The following DNAH10 variants were observed in gnomAD, a reference collection of about 807,000 sequenced individuals.
DNAH10 encodes axonemal beta dynein heavy chain 10.
A neutral mutation model predicts 506.6 loss-of-function variants in DNAH10; 348 were observed. The ratio of observed to expected loss-of-function variants is 0.69; its 90% CI spans 0.63 to 0.75. The LOEUF (loss-of-function observed/expected upper bound fraction) is 0.75. Among genes scored for constraint, DNAH10 ranks in the 30% least tolerant of loss-of-function variants. DNAH10 has a pLI of 0.00. For missense variants in DNAH10, 5,179 were observed against 5,787.1 expected, an observed-to-expected ratio of 0.89 and a Z score of 3.41; for synonymous variants, 2,059 against 2,198.6, an observed-to-expected ratio of 0.94 and a Z score of 1.78.
chr12:123,929,341 G>T lies in DNAH10; in HGVS notation c.12373G>T (p.Glu4125Ter), dbSNP rs1244768802. Residue 4125 changes from glutamate to a stop codon, truncating the protein, a stop_gained, in exon 71 of 79, where the codon GAA (glutamate) becomes TAA (stop). Coordinates refer to ENST00000673944, the MANE Select transcript of DNAH10 (RefSeq NM_001372106.1). LOFTEE classifies it high-confidence loss of function. Reference sequence around the variant, plus strand: ...GGCAACTTACTTCAAGATCTCTCACGAAATGCTGGACCAGTGCCCGCACCC... The same window carrying T: ...GGCAACTTACTTCAAGATCTCTCACTAAATGCTGGACCAGTGCCCGCACCC... ...MRATYFKISH[E>*]MLDQCPHPAF... 6 of 1,609,104 alleles carry T rather than the reference G, an allele frequency of 3.7e-6. No homozygotes were observed. Among genetic ancestry groups the T allele is most frequent in the African/African-American group, 1.3e-5 (1 of 74,878 alleles).
intron 4 of DNAH10, among the ~76,000 whole-genome samples, chr12:123,773,216 T>C (rs1957323735): frequency 6.6e-6 from 1 of 152,264 alleles, no homozygotes; most frequent in African/African-American, 2.4e-5. Context: ...AAATAATGGC[T>C]TCAGTGGGCA....
At position 123,835,381 on chromosome 12, in the gene DNAH10, A is replaced by G. The variant is rs370983625; in HGVS notation, c.4780-25A>G. 4 of 1,611,176 alleles carry G rather than the reference A, an allele frequency of 2.5e-6. No homozygotes were observed. The African/African-American group carries it at 5.3e-5, about 22-fold the overall frequency. On this transcript the variant is annotated intron_variant, in intron 27 of 78. Coordinates refer to ENST00000673944, the MANE Select transcript of DNAH10 (RefSeq NM_001372106.1). ...TGGAGGTATCTGATAACCCCTGCTG[A>G]CACTGACCTTTTGTACATTTACAGA...
chr12:123,935,392 G>C lies in DNAH10; in HGVS notation c.13681G>C (p.Gly4561Arg). ...CATGAGAAGGAACGCCATGGGAGTC[G>C]GCTTGGTTTTTGAAGCTGATCTCTT... ...TSMRRNAMGV[G>R]LVFEADLFTT... The change falls in exon 79 of 79, where the codon GGC becomes CGC. Residue 4561 changes from glycine to arginine, a missense_variant. Gly to Arg is a moderately radical substitution (Grantham distance 125, BLOSUM62 -2). This residue lies in a region of DNAH10 where 4,844 missense variants were observed against 5,430.5 expected (regional missense o/e 0.89). Coordinates refer to ENST00000673944, the MANE Select transcript of DNAH10 (RefSeq NM_001372106.1). The C allele has an allele frequency of 6.2e-7, 1 of 1,611,896 alleles. No homozygotes were observed. Among genetic ancestry groups the C allele is most frequent in the Admixed American group, 1.7e-5 (1 of 60,000 alleles).
At chr12:123,810,016 T>C (rs778623006) in intron 19 of DNAH10, among the ~76,000 whole-genome samples, 5 of 152,174 alleles carry the variant, frequency 3.3e-5, no homozygotes, top group Non-Finnish European at 5.9e-5. Flanking sequence ...CTCCGACCTT[T>C]TCTTATTTTT....
intron 20 of DNAH10, 41 bp from the exon 21 acceptor site, chr12:123,813,713 T>C (rs1959034819): frequency 1.2e-6 from 2 of 1,612,616 alleles, no homozygotes; most frequent in African/African-American, 1.3e-5. Context: ...ATTACTGTTT[T>C]TTCTGTGTTT....
intron 56 of DNAH10, among the ~76,000 whole-genome samples, chr12:123,899,811 C>T (rs1008768281): frequency 6.6e-6 from 1 of 152,230 alleles, no homozygotes; most frequent in Non-Finnish European, 1.5e-5. Context: ...TCTTCCATGT[C>T]TGTGAGCTAC....
intron 6 of DNAH10, among the ~76,000 whole-genome samples, chr12:123,782,523 C>T (rs191472247): frequency 7.2e-4 from 109 of 151,036 alleles, no homozygotes; most frequent in African/African-American, 2.6e-3. Flanking sequence ...GCAATCCTCC[C>T]ACCTCAGTCT....
chr12:123,780,324 C>A (rs1957599228), intron 5 of DNAH10, among the ~76,000 whole-genome samples: 1 of 152,052 alleles, frequency 6.6e-6, no homozygotes, highest in Non-Finnish European at 1.5e-5. Context: ...CACCACCACA[C>A]CCAGCTGATT....
chr12:123,770,033 G>C (rs1166426288), intron 2 of DNAH10, among the ~76,000 whole-genome samples: 12 of 151,634 alleles, frequency 7.9e-5, no homozygotes, highest in Non-Finnish European at 1.5e-4. Context: ...TTGAGGTCAG[G>C]AGTTCGAGAC....
chr12:123,828,366 G>A (rs1338518894), intron 25 of DNAH10, among the ~76,000 whole-genome samples: 1 of 152,098 alleles, frequency 6.6e-6, no homozygotes, highest in Non-Finnish European at 1.5e-5. Context: ...AAACCTGAGA[G>A]GGGATTCTGG....
chr12:123,780,777 C>T (rs1379713793), intron 5 of DNAH10, among the ~76,000 whole-genome samples: 15 of 151,096 alleles, frequency 9.9e-5, no homozygotes, highest in Admixed American at 9.9e-4. Context: ...GGTGAATCCC[C>T]ATCTCTACTA....
intron 32 of DNAH10, among the ~76,000 whole-genome samples, chr12:123,847,308 T>C (rs941770490): frequency 5.4e-5 from 8 of 148,924 alleles, no homozygotes; most frequent in East Asian, 1.9e-4. Context: ...ATCATCTATT[T>C]TATCTATCTA....
At chr12:123,930,047 C>A (rs371570202) in intron 72 of DNAH10, 10 of 549,316 alleles carry the variant, frequency 1.8e-5, no homozygotes, top group Non-Finnish European at 3.2e-5. Flanking sequence ...GAAGCATCCC[C>A]GGTGGTCTGC....
intron 21 of DNAH10, among the ~76,000 whole-genome samples, chr12:123,815,643 G>A (rs1159748466): frequency 6.6e-6 from 1 of 152,042 alleles, no homozygotes; most frequent in Non-Finnish European, 1.5e-5. Context: ...ATTGCTGTGT[G>A]GTTTATTAGA....
At chr12:123,884,673 G>A (rs1281426640) in intron 51 of DNAH10, among the ~76,000 whole-genome samples, 2 of 152,146 alleles carry the variant, frequency 1.3e-5, no homozygotes, top group African/African-American at 2.4e-5. Flanking sequence ...TCACATTGGG[G>A]GTTATGATTT....
intron 28 of DNAH10, among the ~76,000 whole-genome samples, chr12:123,835,738 ACT>A (rs1961069227): frequency 6.6e-6 from 1 of 152,028 alleles, no homozygotes; most frequent in Non-Finnish European, 1.5e-5. Flanking sequence ...GATCCTCCTA[ACT>A]CAGCCTCCCA....
chr12:123,915,953 T>C (rs920888807), intron 62 of DNAH10, among the ~76,000 whole-genome samples: 1 of 136,456 alleles, frequency 7.3e-6, no homozygotes, highest in Admixed American at 7.0e-5. Flanking sequence ...TTATTTTCAA[T>C]TTAGCTTTTC....
Position 123,833,236 on chromosome 12 carries a change from TG to T in DNAH10, c.4669del (p.Asp1557ThrfsTer31). ...SVDEIIQSLD[D>X]NTFNLQSISG... ...TTGACGAAATTATTCAGTCTCTTGA[TG>T]ACAACACTTTCAACCTGCAGAGCAT... is the stretch of plus-strand genomic sequence containing the variant. On this transcript the variant is annotated frameshift_variant, in exon 27 of 79. Coordinates refer to ENST00000673944, the MANE Select transcript of DNAH10 (RefSeq NM_001372106.1). LOFTEE classifies it high-confidence loss of function. 6.2e-7 allele frequency: 1 copy of T among 1,613,944 alleles called. No individual in the cohort carries two copies. The highest frequency in any genetic ancestry group is 8.5e-7 in the Non-Finnish European group (1 of 1,179,880).
At chr12:123,783,379 C>A in intron 7 of DNAH10, 115 bp downstream of exon 7, 1 of 1,254,548 alleles carries the variant, frequency 8.0e-7, no homozygotes, top group Non-Finnish European at 1.1e-6. Context: ...TGTTTTATGA[C>A]TTCCTTAAGC....
Sources: gnomAD v4.1 joint callset for allele counts (sites outside exome capture counted in the v4.1 genomes callset) on GRCh38, gnomAD v4.1.1 for gene constraint, gnomAD v4.1.1 regional missense constraint, MANE v1.5 for transcripts, NCBI Gene and HGNC (gene_info 2026-07-23, HGNC 2026-07-21) for gene names.